The following RBBP8 variants were observed in gnomAD, a reference collection of about 807,000 sequenced individuals.
RBBP8 encodes the protein DNA endonuclease RBBP8.
In RBBP8, 88 loss-of-function variants were observed where a neutral mutation model predicts 108.3. The ratio of observed to expected loss-of-function variants is 0.81; its 90% CI spans 0.68 to 0.97. The LOEUF is 0.97. Ranked by LOEUF, RBBP8 falls within the 50% of genes least tolerant of loss-of-function variation. RBBP8 has a pLI of 0.00. For missense variants in RBBP8, 1,023 were observed against 1,049.0 expected (o/e 0.98, Z 0.34); for synonymous variants, 332 against 348.2 (o/e 0.95, Z 0.52).
At chr18:23,024,624 A>G (rs1040282538) in intron 18 of RBBP8, 2 of 152,116 alleles carry the variant, frequency 1.3e-5, no homozygotes, top group Non-Finnish European at 2.9e-5. Context: ...TAGTTATCTC[A>G]GTTGATCATT....
At chr18:23,023,110 C>T (rs1278043364) in intron 18 of RBBP8, among the ~76,000 whole-genome samples, 1 of 151,692 alleles carries the variant, frequency 6.6e-6, no homozygotes, top group African/African-American at 2.4e-5. Flanking sequence ...GTTGCTCAGG[C>T]TGGTCGTGAA....
chr18:22,985,052 G>T, intron 8 of RBBP8, 62 bp downstream of exon 8: 2 of 1,601,114 alleles, frequency 1.2e-6, no homozygotes, highest in South Asian at 1.1e-5. Flanking sequence ...GGGTAACAGT[G>T]ACCCACAGTC....
intron 4 of RBBP8, among the ~76,000 whole-genome samples, chr18:22,968,011 A>T (rs189703741): frequency 1.3e-5 from 2 of 152,048 alleles, no homozygotes; most frequent in East Asian, 3.9e-4. Flanking sequence ...CCAAAAGGAA[A>T]ATATGAGGTG....
At chr18:22,988,123 G>A (rs571748831) in intron 8 of RBBP8, among the ~76,000 whole-genome samples, 3 of 152,144 alleles carry the variant, frequency 2.0e-5, no homozygotes, top group Admixed American at 6.5e-5. Flanking sequence ...TATTATACTA[G>A]TTTAGGCTAC....
At chr18:22,990,916 C>T (rs1230696224) in intron 9 of RBBP8, 21 bp from the exon 10 acceptor site, 1 of 1,536,724 alleles carries the variant, frequency 6.5e-7, no homozygotes. Context: ...CATGGATGTG[C>T]TTCATATTTT....
At chr18:23,011,052 G>C (rs2046150266) in intron 16 of RBBP8, among the ~76,000 whole-genome samples, 1 of 152,128 alleles carries the variant, frequency 6.6e-6, no homozygotes, top group South Asian at 2.1e-4. Context: ...TACTTTTCTG[G>C]TTTCCCTTTT....
At chr18:22,927,439 A>C (rs1229196647) in intron 3 of RBBP8, among the ~76,000 whole-genome samples, 1 of 152,154 alleles carries the variant, frequency 6.6e-6, no homozygotes, top group Non-Finnish European at 1.5e-5. Context: ...TCTTTAAGTA[A>C]ATCACACAAC....
upstream of RBBP8, chr18:22,929,497 TGTGTGTGTGTG>T (rs1371705333): frequency 0.032 from 650 of 20,006 alleles, 8 homozygotes; most frequent in Middle Eastern, 0.11. Context: ...TGTGTGTGTG[TGTGTGTGTGTG>T]TGAAGAGACA....
chr18:22,929,509 TGAAGAGACAGGCGG>T (rs1189540971), upstream of RBBP8: 8,984 of 44,486 alleles, frequency 0.2, 482 homozygotes, highest in South Asian at 0.26. Context: ...TGTGTGTGTG[TGAAGAGACAGGCGG>T]GTGTGTGTGT....
intron 18 of RBBP8, among the ~76,000 whole-genome samples, chr18:23,024,050 T>A (rs1204635075): frequency 7.9e-6 from 1 of 127,128 alleles, no homozygotes; most frequent in Non-Finnish European, 1.8e-5. Context: ...ATTTTTTTTT[T>A]TTTTTTTTTT....
chr18:23,018,009 G>A (rs957372990), intron 17 of RBBP8, among the ~76,000 whole-genome samples: 5 of 151,938 alleles, frequency 3.3e-5, no homozygotes, highest in Admixed American at 1.3e-4. Context: ...GCCTCCCAAA[G>A]TTCTGGGATT....
chr18:23,001,731 TA>T lies in RBBP8; in HGVS notation c.2287+4del, dbSNP rs1283310415. On this transcript the variant is annotated splice_donor_region_variant and intron_variant, in intron 15 of 18. Coordinates refer to ENST00000327155, the MANE Select transcript of RBBP8 (RefSeq NM_002894.3). ...CTACTGCCACAAAGAAACTACACAG[TA>T]AGATTTTTTTCTGTTTAATTATGGC... 2 of 1,614,004 alleles carry T rather than the reference TA, an allele frequency of 1.2e-6. No individual in the cohort carries two copies. The highest frequency in any genetic ancestry group is 1.7e-6 in the Non-Finnish European group (2 of 1,179,994).
chr18:22,952,767 T>C (rs1053154037), intron 4 of RBBP8, among the ~76,000 whole-genome samples: 1 of 152,188 alleles, frequency 6.6e-6, no homozygotes, highest in African/African-American at 2.4e-5. Context: ...TCTGGATATG[T>C]AGTAGAGGAT....
chr18:22,970,822 TTTGCCA>T (rs1914020912), intron 5 of RBBP8, among the ~76,000 whole-genome samples: 1 of 152,228 alleles, frequency 6.6e-6, no homozygotes, highest in South Asian at 2.1e-4. Flanking sequence ...TATTTTCTAC[TTTGCCA>T]TTACCTGTTG....
At chr18:22,974,587 A>G (rs865990810) in intron 5 of RBBP8, among the ~76,000 whole-genome samples, 2 of 152,044 alleles carry the variant, frequency 1.3e-5, no homozygotes, top group Non-Finnish European at 2.9e-5. Context: ...TCCACCTCGA[A>G]TAGCTGGGAT....
intron 16 of RBBP8, among the ~76,000 whole-genome samples, chr18:23,009,333 T>C (rs2046115558): frequency 1.3e-5 from 2 of 151,906 alleles, no homozygotes; most frequent in African/African-American, 4.8e-5. Flanking sequence ...TATGCTCTTT[T>C]GTCCTTAAAA....
At chr18:23,019,458 C>A (rs2046312432) in intron 17 of RBBP8, among the ~76,000 whole-genome samples, 1 of 152,150 alleles carries the variant, frequency 6.6e-6, no homozygotes, top group Non-Finnish European at 1.5e-5. Context: ...GCTTACAGTT[C>A]TTAAATTTAT....
chr18:22,953,815 T>C (rs878904349), intron 4 of RBBP8, among the ~76,000 whole-genome samples: 1 of 152,190 alleles, frequency 6.6e-6, no homozygotes. Flanking sequence ...GGGTAGTTTA[T>C]AAAGAAAGGT....
At chr18:22,924,838 G>C (rs1909729848) in intron 3 of RBBP8, among the ~76,000 whole-genome samples, 1 of 152,122 alleles carries the variant, frequency 6.6e-6, no homozygotes. Context: ...TGGTAAGCTA[G>C]GGCATATGAT....
Sources: gnomAD v4.1 joint callset for allele counts (sites outside exome capture counted in the v4.1 genomes callset) on GRCh38, gnomAD v4.1.1 for gene constraint, MANE v1.5 for transcripts, NCBI Gene and HGNC (gene_info 2026-07-23, HGNC 2026-07-21) for gene names.